The following ANKRD33B variants were observed in gnomAD, a reference collection of about 807,000 sequenced individuals.
The protein encoded by ANKRD33B is ankyrin repeat domain-containing protein 33B.
A neutral mutation model predicts 21.5 loss-of-function variants in ANKRD33B; 6 were observed. The ratio of observed to expected loss-of-function variants is 0.28; its 90% CI spans 0.15 to 0.55. The LOEUF (loss-of-function observed/expected upper bound fraction) is 0.55, where lower values mean the gene tolerates loss of function less well. Among genes scored for constraint, ANKRD33B ranks in the 20% least tolerant of loss-of-function variants. The probability of loss-of-function intolerance (pLI) is 0.94; values close to 1 mark genes in which losing one functional copy is unlikely to be tolerated. For synonymous variants in ANKRD33B, 347 were observed against 342.4 expected, an observed-to-expected ratio of 1.01 and a Z score of -0.15; for missense variants, 698 against 747.2, an observed-to-expected ratio of 0.93 and a Z score of 0.77.
chr5:10,635,791 A>G (rs1408378758), intron 2 of ANKRD33B, among the ~76,000 whole-genome samples: 1 of 152,208 alleles, frequency 6.6e-6, no homozygotes, highest in African/African-American at 2.4e-5. Context: ...CGGCAGTACT[A>G]TCCCTCAGGG....
Position 10,652,767 on chromosome 5 carries a change from C to T in ANKRD33B, c.*2654C>T. 1 of 254,088 alleles carries T rather than the reference C, an allele frequency of 3.9e-6. No individual in the cohort carries two copies. The highest frequency in any genetic ancestry group is 4.1e-5 in the Admixed American group (1 of 24,650). 15.7% of individuals were successfully genotyped at this position (254,088 alleles called of 1,614,324 possible). A position where few individuals can be genotyped will look rare whatever the true frequency, so the allele number is the denominator to read the frequency against. ...GGCCCTGCCCCCGATGTGTTCCAGC[C>T]TCATCCAGGTGCACAGGATACTCTG... On this transcript the variant is annotated 3_prime_UTR_variant, in exon 4 of 4. Transcript: ENST00000296657. The surrounding 1 kb of genome is among the most constrained non-coding windows in gnomAD (Gnocchi z 4.1).
chr5:10,593,504 C>T (rs1477956217), intron 1 of ANKRD33B, among the ~76,000 whole-genome samples: 1 of 152,064 alleles, frequency 6.6e-6, no homozygotes, highest in Non-Finnish European at 1.5e-5. Context: ...CCTTAACTTG[C>T]CTTGTACTGT....
intron 1 of ANKRD33B, among the ~76,000 whole-genome samples, chr5:10,610,912 C>T (rs1018868376): frequency 6.6e-6 from 1 of 151,996 alleles, no homozygotes; most frequent in Admixed American, 6.6e-5. Flanking sequence ...GGTGTGGTGG[C>T]GGGAGACTGT....
chr5:10,641,574 C>A (rs1737064748), intron 3 of ANKRD33B, among the ~76,000 whole-genome samples: 1 of 151,980 alleles, frequency 6.6e-6, no homozygotes, highest in African/African-American at 2.4e-5. Context: ...ACCTGTTGCC[C>A]ATGACGGGAC....
intron 1 of ANKRD33B, among the ~76,000 whole-genome samples, chr5:10,566,508 G>A (rs1735065720): frequency 6.6e-6 from 1 of 152,206 alleles, no homozygotes; most frequent in African/African-American, 2.4e-5. Context: ...CCCTGTCCTG[G>A]GCAGCCTGGT....
rs1737273139 is a variant in ANKRD33B, at chr5:10,649,483, C to G, written c.855C>G (p.Asp285Glu). The G allele has an allele frequency of 1.3e-6, 2 of 1,535,172 alleles. No individual in the cohort carries two copies. The highest frequency in any genetic ancestry group is 4.9e-5 in the East Asian group (2 of 40,878). The change falls in exon 4 of 4, where the codon GAC (aspartate) becomes GAG (glutamate). Residue 285 changes from aspartate to glutamate, a missense_variant. By Grantham distance (45) the Asp-to-Glu change is conservative (BLOSUM62 2). Coordinates refer to ENST00000296657, the MANE Select transcript of ANKRD33B (RefSeq NM_001164440.2). ...GSKNCLQRLT[D>E]CVLSVLTPRS... ...AGAACTGCCTGCAGAGGCTCACAGA[C>G]TGCGTGCTGTCCGTGCTGACGCCGC... is the stretch of plus-strand genomic sequence containing the variant.
At chr5:10,595,455 C>T (rs1181391262) in intron 1 of ANKRD33B, among the ~76,000 whole-genome samples, 1 of 152,200 alleles carries the variant, frequency 6.6e-6, no homozygotes, top group African/African-American at 2.4e-5. Flanking sequence ...GTCCTCTGCA[C>T]ATCTGTGTCT....
chr5:10,594,860 C>T (rs1735785651), intron 1 of ANKRD33B, among the ~76,000 whole-genome samples: 1 of 152,090 alleles, frequency 6.6e-6, no homozygotes, highest in African/African-American at 2.4e-5. Flanking sequence ...TAGGAAAGTG[C>T]CTTCCAGGTA....
chr5:10,630,682 G>A (rs546422405), intron 2 of ANKRD33B, among the ~76,000 whole-genome samples: 13 of 152,128 alleles, frequency 8.5e-5, no homozygotes, highest in Non-Finnish European at 1.5e-4. Context: ...TTTCTGCTTA[G>A]GTTCAACAAA....
In ANKRD33B at chr5:10,649,885, C is replaced by G. The variant is rs1460984188; in HGVS notation, c.1257C>G (p.Pro419=). Residue 419 remains proline (P), a synonymous_variant, in exon 4 of 4, where the codon CCC becomes CCG. Transcript: ENST00000296657. ...GCCTGCGGCGGAGAAGCGTGCGGCC[C>G]GGTGTGGTGGTGCCCCGGGTCCGAG... ...LQRLRRRSVR[P]GVVVPRVRVS... 2 of 1,503,940 alleles carry G rather than the reference C, an allele frequency of 1.3e-6. No homozygotes were observed. Among genetic ancestry groups the G allele is most frequent in the Non-Finnish European group, 1.8e-6 (2 of 1,132,296 alleles). 93.2% of individuals were successfully genotyped at this position (1,503,940 alleles called of 1,614,324 possible).
In ANKRD33B at chr5:10,618,353, C is replaced by T. The variant is rs1211483186; in HGVS notation, c.387C>T (p.Cys129=). The T allele has an allele frequency of 6.5e-7, 1 of 1,537,674 alleles. No individual in the cohort carries two copies. Among genetic ancestry groups the T allele is most frequent in the Non-Finnish European group, 8.7e-7 (1 of 1,147,076 alleles). ...RNGRTGLIVA[C]YHGFVDTVVA... is the part of the protein sequence containing the mutation. ...TCTAGACCGGCCTTATTGTCGCCTG[C>T]TACCACGGCTTTGTGGATACCGTGG... is the stretch of plus-strand genomic sequence containing the variant. Residue 129 remains cysteine (C), a synonymous_variant, in exon 2 of 4, where the codon TGC becomes TGT. Coordinates refer to ENST00000296657, the MANE Select transcript of ANKRD33B (RefSeq NM_001164440.2).
chr5:10,573,325 C>T (rs772895013), intron 1 of ANKRD33B, among the ~76,000 whole-genome samples: 17 of 152,070 alleles, frequency 1.1e-4, no homozygotes, highest in South Asian at 6.2e-4. Flanking sequence ...AAAATTAGCT[C>T]GGTGTAGTGG....
At chr5:10,575,358 G>A (rs1205938439) in intron 1 of ANKRD33B, among the ~76,000 whole-genome samples, 2 of 150,770 alleles carry the variant, frequency 1.3e-5, no homozygotes, top group African/African-American at 2.4e-5. Flanking sequence ...CCAGGGAGGC[G>A]GAGGTTGCAG....
chr5:10,618,091 A>T (rs1003312101), intron 1 of ANKRD33B, among the ~76,000 whole-genome samples: 6 of 152,144 alleles, frequency 3.9e-5, no homozygotes, highest in African/African-American at 1.4e-4. Context: ...GAGGGCTGAG[A>T]CCTTAGCAGT....
rs796652807 is a variant in ANKRD33B at position 10,568,760 on chromosome 5, C to T, written c.366+3927C>T. Among the ~76,000 whole-genome samples, 8 of 152,150 alleles carry T rather than the reference C, an allele frequency of 5.3e-5. No individual in the cohort carries two copies. The South Asian group carries it at 1.7e-3, about 32-fold the overall frequency. On this transcript the variant is annotated intron_variant, in intron 1 of 3. Coordinates refer to ENST00000296657, the MANE Select transcript of ANKRD33B (RefSeq NM_001164440.2). ...ATGATGGCCAGGCTGGTGTTGAACT[C>T]CTGACCTCAAGTGATCCTCTTGCTT...
At chr5:10,624,361 C>G (rs1436846295) in intron 2 of ANKRD33B, among the ~76,000 whole-genome samples, 2 of 152,194 alleles carry the variant, frequency 1.3e-5, no homozygotes, top group Admixed American at 6.5e-5. Flanking sequence ...AACTCCTGAC[C>G]TCAAGTGATC....
At chr5:10,566,306 G>A (rs1336016260) in intron 1 of ANKRD33B, among the ~76,000 whole-genome samples, 1 of 152,220 alleles carries the variant, frequency 6.6e-6, no homozygotes, top group African/African-American at 2.4e-5. Context: ...GCCCTGGCTG[G>A]CATGTGATTA....
rs576686313 is a variant in ANKRD33B, at chr5:10,566,956, C to T, written c.366+2123C>T. Among the ~76,000 whole-genome samples the T allele has an allele frequency of 3.0e-4, 46 of 152,356 alleles. 1 individual carries two copies. The highest frequency in any genetic ancestry group is 1.0e-3 in the African/African-American group (43 of 41,586). On this transcript the variant is annotated intron_variant, in intron 1 of 3. Coordinates refer to ENST00000296657, the MANE Select transcript of ANKRD33B (RefSeq NM_001164440.2). ...CTCTTGGCTTGGAAGAGAGCACCTT[C>T]CAGTTTTATTTTGTTTTGTTTTGTT... is the stretch of plus-strand genomic sequence containing the variant.
In ANKRD33B at chr5:10,619,535, T is replaced by C. The variant is rs1736366621; in HGVS notation, c.496+1073T>C. Among the ~76,000 whole-genome samples the C allele has an allele frequency of 6.6e-6, 1 of 152,196 alleles. No homozygotes were observed. Among genetic ancestry groups the C allele is most frequent in the Non-Finnish European group, 1.5e-5 (1 of 68,030 alleles). ...GGAAAACCAGTGTTTGACAGTTTCA[T>C]CCCCTGTGGTGGGAGTGGTCTGGGC... is the stretch of plus-strand genomic sequence containing the variant. On this transcript the variant is annotated intron_variant, in intron 2 of 3. Transcript: ENST00000296657. The surrounding 1 kb of genome is among the most constrained non-coding windows in gnomAD (Gnocchi z 4.5).
Sources: gnomAD v4.1 joint callset for allele counts (sites outside exome capture counted in the v4.1 genomes callset) on GRCh38, gnomAD v4.1.1 for gene constraint, Gnocchi (gnomAD v3.1) non-coding constraint, MANE v1.5 for transcripts, NCBI Gene and HGNC (gene_info 2026-07-23, HGNC 2026-07-21) for gene names.